Variants in RAB27B observed in about 807,000 individuals in gnomAD.
RAB27B encodes the protein RAB27B, member RAS oncogene family.
Under a neutral mutation model 24.6 loss-of-function variants are expected in RAB27B, and 15 were observed. That is an observed-to-expected ratio of 0.61 (90% confidence interval 0.41 to 0.94). RAB27B has a LOEUF of 0.94. Among genes scored for constraint, RAB27B ranks in the 40% least tolerant of loss-of-function variants. The probability of loss-of-function intolerance (pLI) is 0.00; values close to 1 mark genes in which losing one functional copy is unlikely to be tolerated. For missense variants in RAB27B, 261 were observed against 266.8 expected, an observed-to-expected ratio of 0.98 and a Z score of 0.15; for synonymous variants, 105 against 92.5, an observed-to-expected ratio of 1.14 and a Z score of -0.78.
At chr18:54,766,384 T>C (rs1362956287) in intron 2 of RAB27B, among the ~76,000 whole-genome samples, 4 of 152,184 alleles carry the variant, frequency 2.6e-5, no homozygotes, top group Non-Finnish European at 5.9e-5. Context: ...AGGTTAGGAT[T>C]TGGGAGACCT....
intron 1 of RAB27B, among the ~76,000 whole-genome samples, chr18:54,876,003 C>G (rs573325491): frequency 6.6e-6 from 1 of 152,008 alleles, no homozygotes. Context: ...CTGTCCAAGA[C>G]TAGGTAATTT....
intron 2 of RAB27B, among the ~76,000 whole-genome samples, chr18:54,763,153 AAAT>A (rs1306361256): frequency 6.6e-6 from 1 of 152,178 alleles, no homozygotes; most frequent in African/African-American, 2.4e-5. Context: ...AAGAGTAAAT[AAAT>A]AATATAGACA....
At chr18:54,858,154 G>A (rs1911859233) in intron 1 of RAB27B, among the ~76,000 whole-genome samples, 1 of 152,118 alleles carries the variant, frequency 6.6e-6, no homozygotes, top group South Asian at 2.1e-4. Context: ...GAAGGACAGT[G>A]CTAACATTCT....
At chr18:54,885,388 C>A (rs577172757) in intron 4 of RAB27B, among the ~76,000 whole-genome samples, 101 of 152,276 alleles carry the variant, frequency 6.6e-4, no homozygotes, top group African/African-American at 2.3e-3. Context: ...CACTTACCTA[C>A]AAGGTCACTG....
intron 1 of RAB27B, among the ~76,000 whole-genome samples, chr18:54,832,396 G>A (rs1330159562): frequency 6.6e-6 from 1 of 152,306 alleles, no homozygotes; most frequent in Non-Finnish European, 1.5e-5. Context: ...GGGAAGAAAT[G>A]GTTTTAATGG....
intron 2 of RAB27B, among the ~76,000 whole-genome samples, chr18:54,759,549 A>G (rs1336678387): frequency 6.6e-6 from 1 of 152,234 alleles, no homozygotes; most frequent in Admixed American, 6.5e-5. Flanking sequence ...GACAGAAGGC[A>G]GGGAAATACT....
At chr18:54,800,330 A>G (rs752900195) in intron 2 of RAB27B, among the ~76,000 whole-genome samples, 22 of 152,196 alleles carry the variant, frequency 1.4e-4, no homozygotes, top group Non-Finnish European at 2.8e-4. Flanking sequence ...TTTCCCTAAG[A>G]TAAATCCCTA....
At chr18:54,869,367 A>G (rs1412834659) in intron 1 of RAB27B, among the ~76,000 whole-genome samples, 2 of 152,232 alleles carry the variant, frequency 1.3e-5, no homozygotes, top group Non-Finnish European at 2.9e-5. Flanking sequence ...GTCTTAGATC[A>G]TGGAAAAGTC....
At chr18:54,799,350 C>T (rs188833044) in intron 2 of RAB27B, among the ~76,000 whole-genome samples, 220 of 152,162 alleles carry the variant, frequency 1.4e-3, no homozygotes, top group African/African-American at 5.0e-3. Flanking sequence ...ACAAGTAAAT[C>T]AACTGGAATT....
intron 2 of RAB27B, among the ~76,000 whole-genome samples, chr18:54,796,526 A>T (rs1301045385): frequency 6.6e-6 from 1 of 152,020 alleles, no homozygotes; most frequent in African/African-American, 2.4e-5. Context: ...ATGGAATGGG[A>T]AGGTGGTCTT....
chr18:54,726,798 C>T (rs961729799), intron 2 of RAB27B, among the ~76,000 whole-genome samples: 12 of 149,128 alleles, frequency 8.0e-5, no homozygotes, highest in Middle Eastern at 3.6e-3. Context: ...GGCAACTCTA[C>T]CTTTTCAACC....
chr18:54,876,112 C>T (rs1448630139), intron 1 of RAB27B, among the ~76,000 whole-genome samples: 1 of 151,886 alleles, frequency 6.6e-6, no homozygotes, highest in African/African-American at 2.4e-5. Flanking sequence ...AGCTAGGCAC[C>T]TTCTTCACAA....
chr18:54,865,081 A>G (rs1912157839), intron 1 of RAB27B, among the ~76,000 whole-genome samples: 1 of 152,194 alleles, frequency 6.6e-6, no homozygotes, highest in South Asian at 2.1e-4. Flanking sequence ...ATAGAACAGT[A>G]CCTGATTAAA....
At chr18:54,860,234 T>C (rs12953492) in intron 1 of RAB27B, among the ~76,000 whole-genome samples, 30,321 of 152,020 alleles carry the variant, frequency 0.2, 3,268 homozygotes, top group East Asian at 0.41. Context: ...TAAGTACTTT[T>C]TCCTGTAGTT....
In RAB27B at chr18:54,793,947, G is replaced by T. The variant is rs144480995; in HGVS notation, c.-20+75806G>T. On this transcript the variant is annotated intron_variant, in intron 2 of 4. Transcript: ENST00000586570. ...AAGAATGCATATGGCATGAAATTCT[G>T]CTGTAATTGTCATGATCCACATAAA... 1.8e-3 allele frequency among the ~76,000 whole-genome samples: 276 copies of T among 152,210 alleles called. 2 individuals are homozygous for T. The highest frequency in any genetic ancestry group is 6.1e-3 in the African/African-American group (254 of 41,488).
intron 2 of RAB27B, among the ~76,000 whole-genome samples, chr18:54,747,132 C>G (rs9947637): frequency 0.062 from 9,449 of 152,210 alleles, 371 homozygotes; most frequent in Admixed American, 0.086. Context: ...ACACCCCAGC[C>G]TACTCTCCAT....
intron 1 of RAB27B, among the ~76,000 whole-genome samples, chr18:54,844,318 T>G (rs1911232485): frequency 6.6e-6 from 1 of 152,066 alleles, no homozygotes; most frequent in Non-Finnish European, 1.5e-5. Context: ...GACAGAAAAT[T>G]TACTGAATTT....
intron 2 of RAB27B, among the ~76,000 whole-genome samples, chr18:54,758,513 AG>A (rs915544459): frequency 4.6e-5 from 7 of 152,136 alleles, no homozygotes; most frequent in Non-Finnish European, 7.3e-5. Flanking sequence ...AAAATATATC[AG>A]GTTTGGGAGA....
chr18:54,792,294 C>T (rs1909273968), intron 2 of RAB27B, among the ~76,000 whole-genome samples: 1 of 152,280 alleles, frequency 6.6e-6, no homozygotes, highest in South Asian at 2.1e-4. Flanking sequence ...ACACCCCCAT[C>T]GCATGCCCTT....
Sources: allele counts gnomAD v4.1 joint callset (sites outside exome capture counted in the v4.1 genomes callset), GRCh38; gene constraint gnomAD v4.1.1; transcripts MANE v1.5; gene names NCBI Gene and HGNC (gene_info 2026-07-23, HGNC 2026-07-21).